Variants in DCHS2 observed in about 807,000 individuals in gnomAD.
The protein encoded by DCHS2 is protocadherin-23.
Under a neutral mutation model 182.4 loss-of-function variants are expected in DCHS2, and 142 were observed. The ratio of observed to expected loss-of-function variants is 0.78; its 90% confidence interval spans 0.68 to 0.89. DCHS2 has a LOEUF of 0.89. Ranked by LOEUF, DCHS2 falls within the 40% of genes least tolerant of loss-of-function variation. DCHS2 has a pLI of 0.00. For missense variants in DCHS2, 4,319 were observed against 4,198.6 expected (o/e 1.03, Z -0.79); for synonymous variants, 1,740 against 1,663.3 (o/e 1.05, Z -1.12).
chr4:154,437,049 C>T (rs1416166502), intron 1 of DCHS2, among the ~76,000 whole-genome samples: 1 of 152,126 alleles, frequency 6.6e-6, no homozygotes, highest in Non-Finnish European at 1.5e-5. Context: ...GCTCACACTA[C>T]ATTTCTTCCG....
intron 1 of DCHS2, among the ~76,000 whole-genome samples, chr4:154,441,767 A>G (rs1466786784): frequency 6.6e-6 from 1 of 152,118 alleles, no homozygotes; most frequent in African/African-American, 2.4e-5. Flanking sequence ...AGTGTTTATA[A>G]AGCACTTCTT....
chr4:154,489,211 T>G (rs773301928), intron 1 of DCHS2, 93 bp downstream of exon 1: 3 of 1,065,428 alleles, frequency 2.8e-6, no homozygotes, highest in Non-Finnish European at 2.7e-6. Context: ...AGCCGGAATA[T>G]TATCCTCCAC....
chr4:154,327,844 A>T (rs1178353080), intron 7 of DCHS2, among the ~76,000 whole-genome samples: 1 of 152,170 alleles, frequency 6.6e-6, no homozygotes, highest in Non-Finnish European at 1.5e-5. Context: ...CTCACTAAAG[A>T]TGAATGGTTT....
chr4:154,432,087 G>T (rs1733582552), intron 1 of DCHS2, among the ~76,000 whole-genome samples: 1 of 152,146 alleles, frequency 6.6e-6, no homozygotes, highest in Admixed American at 6.5e-5. Context: ...TCTCGACTAT[G>T]GGAAATGTTT....
chr4:154,288,144 TAAG>T (rs1734492618), intron 13 of DCHS2, among the ~76,000 whole-genome samples: 1 of 151,996 alleles, frequency 6.6e-6, no homozygotes, highest in South Asian at 2.1e-4. Flanking sequence ...TAAATGGATA[TAAG>T]AAGAAGACAC....
Position 154,232,179 on chromosome 4 carries a change from A to G in DCHS2, c.*2357T>C, listed in dbSNP as rs1490158115. The G allele has an allele frequency of 6.6e-6, 1 of 152,172 alleles. No homozygotes were observed. Among genetic ancestry groups the G allele is most frequent in the Non-Finnish European group, 1.5e-5 (1 of 68,012 alleles). The allele number at this position is 152,172 out of a possible 1,614,324, so 9.4% of individuals were successfully genotyped here. On this transcript the variant is annotated 3_prime_UTR_variant, in exon 20 of 20. Coordinates refer to ENST00000357232, the MANE Select transcript of DCHS2 (RefSeq NM_001358235.2). Reference sequence around the variant, plus strand: ...AAAGTAACCCAGAACATATGAGGCAAGTTAATATTAAACTTGAAGGAAAAA... The same window carrying G: ...AAAGTAACCCAGAACATATGAGGCAGGTTAATATTAAACTTGAAGGAAAAA...
chr4:154,410,310 G>C (rs1264533769), intron 1 of DCHS2, among the ~76,000 whole-genome samples: 1 of 151,538 alleles, frequency 6.6e-6, no homozygotes, highest in Non-Finnish European at 1.5e-5. Flanking sequence ...ATTCAGCAAA[G>C]AGATGGATAT....
At chr4:154,371,852 G>GC (rs1730662926) in intron 2 of DCHS2, among the ~76,000 whole-genome samples, 1 of 152,068 alleles carries the variant, frequency 6.6e-6, no homozygotes, top group South Asian at 2.1e-4. Context: ...AGTACCGGAG[G>GC]GGGATGGTGC....
At chr4:154,237,564 T>A (rs1001249270) in intron 19 of DCHS2, 1 of 158,714 alleles carries the variant, frequency 6.3e-6, no homozygotes, top group Non-Finnish European at 1.4e-5. Context: ...GAAATACTTG[T>A]TGATATTCAA....
At chr4:154,287,926 A>G (rs1296956914) in intron 13 of DCHS2, among the ~76,000 whole-genome samples, 6 of 152,214 alleles carry the variant, frequency 3.9e-5, no homozygotes, top group African/African-American at 1.4e-4. Flanking sequence ...AAAATATACA[A>G]TGAAAACAAA....
chr4:154,398,389 T>G (rs1248720299), intron 1 of DCHS2, among the ~76,000 whole-genome samples: 1 of 152,190 alleles, frequency 6.6e-6, no homozygotes, highest in Admixed American at 6.5e-5. Flanking sequence ...CTGACATATA[T>G]TAAGCACTCA....
chr4:154,321,051 C>T lies in DCHS2; in HGVS notation c.4348G>A (p.Gly1450Arg), dbSNP rs758291925. ...GTTGAGCTGTCTATTTCAAAGTGTCCATCCTTATCATCTGCAACAATACTA... is the reference window on the plus strand; with the variant it reads ...GTTGAGCTGTCTATTTCAAAGTGTCTATCCTTATCATCTGCAACAATACTA... Reference protein sequence around the residue: ...HFSIVADDKDGHFEIDSSTGD... With the variant: ...HFSIVADDKDRHFEIDSSTGD... Residue 1450 changes from glycine (G) to arginine (R), a missense_variant, in exon 9 of 20, where the codon GGA becomes AGA. By Grantham distance (125) the Gly-to-Arg change is moderately radical. Coordinates refer to ENST00000357232, the MANE Select transcript of DCHS2 (RefSeq NM_001358235.2). The T allele has an allele frequency of 1.2e-6, 2 of 1,611,662 alleles. No individual in the cohort carries two copies. The highest frequency in any genetic ancestry group is 2.7e-5 in the African/African-American group (2 of 74,836).
intron 1 of DCHS2, among the ~76,000 whole-genome samples, chr4:154,471,291 T>C (rs1204104223): frequency 6.6e-6 from 1 of 152,214 alleles, no homozygotes; most frequent in African/African-American, 2.4e-5. Context: ...CTCCCTATTA[T>C]TTGCATATGT....
rs115683908 is a variant in DCHS2 at position 154,481,244 on chromosome 4, C to A, written c.2052+8060G>T. The stretch of plus-strand genomic sequence containing the variant: ...CCATAGGAATTTTTAAAAGAAAGAA[C>A]TGACTTTTATTTTATTATTTAATTT... On this transcript the variant is annotated intron_variant, in intron 1 of 19. Transcript: ENST00000357232. Among the ~76,000 whole-genome samples, 797 of 152,118 alleles carry A rather than the reference C, an allele frequency of 5.2e-3. 4 individuals carry two copies. The highest frequency in any genetic ancestry group is 0.018 in the African/African-American group (737 of 41,522).
intron 1 of DCHS2, among the ~76,000 whole-genome samples, chr4:154,414,660 T>C (rs1732763175): frequency 1.3e-5 from 2 of 152,150 alleles, no homozygotes. Flanking sequence ...CCCCATCTCA[T>C]GCATAAAACT....
rs1418355083 is a variant in DCHS2 at position 154,342,979 on chromosome 4, G to A, written c.2477-7875C>T. Among the ~76,000 whole-genome samples the A allele has an allele frequency of 2.0e-5, 3 of 152,308 alleles. No individual in the cohort carries two copies. The East Asian group carries it at 5.8e-4, about 29-fold the overall frequency. ...AAGTCAAAATTACTCCTTGATGGATGCATGGATTGCAGAATGAATCTTGTA... is the reference window on the plus strand; with the variant it reads ...AAGTCAAAATTACTCCTTGATGGATACATGGATTGCAGAATGAATCTTGTA... On this transcript the variant is annotated intron_variant, in intron 3 of 19. Transcript: ENST00000357232.
rs1490056629 is a variant in DCHS2, at chr4:154,361,969, G to A, written c.2476+4241C>T. Among the ~76,000 whole-genome samples, 3 of 152,210 alleles carry A rather than the reference G, an allele frequency of 2.0e-5. No homozygotes were observed. The East Asian group carries it at 5.8e-4, about 29-fold the overall frequency. ...AATGAAAGAATGAATGAACCAGTGT[G>A]CAAATGAAATCTCTAAGAGAGAATT... On this transcript the variant is annotated intron_variant, in intron 3 of 19. Coordinates refer to ENST00000357232, the MANE Select transcript of DCHS2 (RefSeq NM_001358235.2).
At chr4:154,418,518 T>C (rs1732966363) in intron 1 of DCHS2, among the ~76,000 whole-genome samples, 1 of 152,208 alleles carries the variant, frequency 6.6e-6, no homozygotes, top group South Asian at 2.1e-4. Context: ...CAAAGGAATT[T>C]GTAAAGTATT....
rs371412722 is a variant in DCHS2, at chr4:154,284,025, A to C, written c.6463+13826T>G. ...CTTTGGTTTTGAGATAACCCAGAAC[A>C]TTTCCAATTATCTCAAAAAACAAGG... On this transcript the variant is annotated intron_variant, in intron 13 of 19. Transcript: ENST00000357232. Among the ~76,000 whole-genome samples, 50 of 152,322 alleles carry C rather than the reference A, an allele frequency of 3.3e-4. 3 individuals are homozygous for C. The highest frequency in any genetic ancestry group is 2.5e-3 in the East Asian group (13 of 5,184).
Sources: gnomAD v4.1 joint callset for allele counts (sites outside exome capture counted in the v4.1 genomes callset) on GRCh38, gnomAD v4.1.1 for gene constraint, MANE v1.5 for transcripts, NCBI Gene and HGNC (gene_info 2026-07-23, HGNC 2026-07-21) for gene names.